Variants in GABBR1 observed in about 807,000 individuals in gnomAD.
The protein encoded by GABBR1 is gamma-aminobutyric acid type B receptor subunit 1.
In GABBR1, 35 loss-of-function variants were observed where a neutral mutation model predicts 117.7. The observed-to-expected ratio is 0.30, with a 90% confidence interval of 0.23 to 0.39. GABBR1 has a LOEUF of 0.39. Ranked by LOEUF, GABBR1 falls within the 10% of genes least tolerant of loss-of-function variation. GABBR1 has a pLI of 1.00. For synonymous variants in GABBR1, 442 were observed against 486.6 expected (o/e 0.91, Z 1.21); for missense variants, 709 against 1,241.8 (o/e 0.57, Z 6.45).
chr6:29,603,751 A>T, intron 22 of GABBR1, 35 bp from the exon 23 acceptor site: 1 of 1,431,160 alleles, frequency 7.0e-7, no homozygotes, highest in Non-Finnish European at 9.2e-7. Flanking sequence ...TAGTAGGAGA[A>T]GAGGAGGTGA....
rs1245598380 is a variant in GABBR1 at position 29,623,481 on chromosome 6, G to A, written c.793-6C>T. 2 of 1,612,688 alleles carry A rather than the reference G, an allele frequency of 1.2e-6. No individual in the cohort carries two copies. Among genetic ancestry groups the A allele is most frequent in the African/African-American group, 2.7e-5 (2 of 74,856 alleles). ...GAGCTGGAGCCATAGGAAAGCTGTG[G>A]GGCAGGGAGAGTGAGTGCAACAGGG... On this transcript the variant is annotated splice_polypyrimidine_tract_variant and splice_region_variant and intron_variant, in intron 7 of 22. Transcript: ENST00000377034. This position sits in a 1 kb window ranked among gnomAD's most constrained non-coding sequence, Gnocchi z 6.2.
rs757777358 is a variant in GABBR1, at chr6:29,631,614, G to A, written c.86-15C>T. ...GATCTGGCAACCTAAGGGGTGAGTC[G>A]GGGAGGCATACAGAGAGGAATGGTG... is the stretch of plus-strand genomic sequence containing the variant. On this transcript the variant is annotated splice_polypyrimidine_tract_variant and intron_variant, in intron 2 of 22. Coordinates refer to ENST00000377034, the MANE Select transcript of GABBR1 (RefSeq NM_001470.4). The surrounding 1 kb of genome is among the most constrained non-coding windows in gnomAD (Gnocchi z 5.9). The A allele has an allele frequency of 4.3e-6, 7 of 1,611,840 alleles. No individual in the cohort carries two copies. In the East Asian group the frequency reaches 6.7e-5, roughly 15 times the overall value.
intron 6 of GABBR1, among the ~76,000 whole-genome samples, chr6:29,626,013 T>G (rs1281935784): frequency 2.0e-5 from 3 of 152,152 alleles, no homozygotes; most frequent in African/African-American, 4.8e-5. Context: ...TCCACCAAGA[T>G]AGGATGTCTA....
intron 11 of GABBR1, among the ~76,000 whole-genome samples, chr6:29,616,513 A>G (rs929654987): frequency 3.3e-5 from 5 of 151,136 alleles, no homozygotes; most frequent in African/African-American, 1.2e-4. Context: ...GTGAAACCCC[A>G]TGTCCACTAA....
At chr6:29,608,502 G>C in intron 16 of GABBR1, 99 bp downstream of exon 16, 1 of 1,276,812 alleles carries the variant, frequency 7.8e-7, no homozygotes. Context: ...GTCAGGGAAA[G>C]CTGAGGAGGA....
In GABBR1 at chr6:29,608,652, C is replaced by T; in HGVS notation, c.1941G>A (p.Leu647=). 1 of 1,613,056 alleles carries T rather than the reference C, an allele frequency of 6.2e-7. No individual in the cohort carries two copies. The highest frequency in any genetic ancestry group is 8.5e-7 in the Non-Finnish European group (1 of 1,180,010). ...TCCCAATGTGGTAACCATCGAGCCC[C>T]AGGGGGAAGACAGCAGCTAAAGCCA... ...CSLALAAVFP[L]GLDGYHIGRN... Residue 647 remains leucine (L), a synonymous_variant, in exon 16 of 23, where the codon CTG becomes CTA. Coordinates refer to ENST00000377034, the MANE Select transcript of GABBR1 (RefSeq NM_001470.4).
Position 29,608,752 on chromosome 6 carries a change from G to T in GABBR1, c.1860-19C>A. 2.5e-6 allele frequency: 4 copies of T among 1,610,648 alleles called. No individual in the cohort carries two copies. Among genetic ancestry groups the T allele is most frequent in the Non-Finnish European group, 3.4e-6 (4 of 1,178,712 alleles). On this transcript the variant is annotated intron_variant, in intron 15 of 22. Transcript: ENST00000377034. ...GATATAACTAGGGCAGAGGTGGAGA[G>T]GGTGAGAGGGAGAGAGAATTACCCC...
Position 29,632,671 on chromosome 6 carries a change from G to A in GABBR1, c.-1+179C>T. On this transcript the variant is annotated intron_variant, in intron 1 of 22. Transcript: ENST00000377034. This position sits in a 1 kb window ranked among gnomAD's most constrained non-coding sequence, Gnocchi z 5.8. The stretch of plus-strand genomic sequence containing the variant: ...CCCCCGGCCCCCGCGGCTCGCAGAA[G>A]CCTGGCTTACCCACGCTCCCGGCAT... The A allele has an allele frequency of 6.9e-7, 1 of 1,444,028 alleles. No homozygotes were observed. Among genetic ancestry groups the A allele is most frequent in the Non-Finnish European group, 9.1e-7 (1 of 1,097,110 alleles). The allele number at this position is 1,444,028 out of a possible 1,614,324, so 89.5% of individuals were successfully genotyped here.
Position 29,606,223 on chromosome 6 carries a change from C to G in GABBR1, c.2311+168G>C. The G allele has an allele frequency of 1.6e-6, 1 of 634,904 alleles. No individual in the cohort carries two copies. The highest frequency in any genetic ancestry group is 1.9e-5 in the South Asian group (1 of 53,024). The allele number at this position is 634,904 out of a possible 1,614,324, so 39.3% of individuals were successfully genotyped here. ...CCTCATAGCAAAAGAGCAACTCTCC[C>G]CTATTCTCAGAAAAGATTAGTGCAA... On this transcript the variant is annotated intron_variant, in intron 19 of 22. Coordinates refer to ENST00000377034, the MANE Select transcript of GABBR1 (RefSeq NM_001470.4). The surrounding 1 kb of genome is among the most constrained non-coding windows in gnomAD (Gnocchi z 4.5).
At chr6:29,615,873 C>T (rs938726592) in intron 11 of GABBR1, among the ~76,000 whole-genome samples, 1 of 152,010 alleles carries the variant, frequency 6.6e-6, no homozygotes, top group African/African-American at 2.4e-5. Context: ...TCAAGACCAG[C>T]CTGGCCAACA....
At chr6:29,616,714 G>T (rs1205195800) in intron 11 of GABBR1, among the ~76,000 whole-genome samples, 1 of 151,614 alleles carries the variant, frequency 6.6e-6, no homozygotes, top group South Asian at 2.1e-4. Flanking sequence ...AGCCAGACTT[G>T]GTGGCATATG....
In GABBR1 at chr6:29,623,843, C is replaced by A; in HGVS notation, c.792+47G>T. On this transcript the variant is annotated intron_variant, in intron 7 of 22. Transcript: ENST00000377034. This position sits in a 1 kb window ranked among gnomAD's most constrained non-coding sequence, Gnocchi z 6.2. The stretch of plus-strand genomic sequence containing the variant: ...AATCGCCATCGTCCCTTCAGTAGAG[C>A]TCAAAAGGGAATGACCCCATCTTCT... The A allele has an allele frequency of 6.3e-7, 1 of 1,591,974 alleles. No homozygotes were observed.
chr6:29,627,469 C>A lies in GABBR1; in HGVS notation c.657+17G>T. 6.3e-7 allele frequency: 1 copy of A among 1,578,892 alleles called. No individual in the cohort carries two copies. Among genetic ancestry groups the A allele is most frequent in the East Asian group, 2.3e-5 (1 of 42,660 alleles). Reference sequence around the variant, plus strand: ...CGCAAGCCCCCACCTCCCACCCACCCCCATGTCCAGGGCTACCTTGCTGTC... The same window carrying A: ...CGCAAGCCCCCACCTCCCACCCACCACCATGTCCAGGGCTACCTTGCTGTC... On this transcript the variant is annotated intron_variant, in intron 6 of 22. Coordinates refer to ENST00000377034, the MANE Select transcript of GABBR1 (RefSeq NM_001470.4). This position sits in a 1 kb window ranked among gnomAD's most constrained non-coding sequence, Gnocchi z 4.4.
In GABBR1 at chr6:29,630,583, C is replaced by T; in HGVS notation, c.350G>A (p.Gly117Glu). The change falls in exon 4 of 23, where the codon GGG (glycine) becomes GAG (glutamate). Residue 117 changes from glycine (G) to glutamate (E), a missense_variant. By Grantham distance (98) the Gly-to-Glu change is moderately conservative. This residue lies in a region of GABBR1 where 101 missense variants were observed against 132.3 expected (regional missense o/e 0.76). Coordinates refer to ENST00000377034, the MANE Select transcript of GABBR1 (RefSeq NM_001470.4). This position sits in a 1 kb window ranked among gnomAD's most constrained non-coding sequence, Gnocchi z 4.9. ...GGCTCCGTCCAGAGCTGGGAGGTCC[C>T]CACCCGTCAGGAAAACCTTCCCATT... ...LENGKVFLTG[G>E]DLPALDGARV... 1 of 1,613,042 alleles carries T rather than the reference C, an allele frequency of 6.2e-7. No homozygotes were observed. The highest frequency in any genetic ancestry group is 8.5e-7 in the Non-Finnish European group (1 of 1,180,022).
rs1210859516 is a variant in GABBR1 at position 29,607,078 on chromosome 6, G to A, written c.2109+24C>T. 1.9e-6 allele frequency: 3 copies of A among 1,608,026 alleles called. No homozygotes were observed. The highest frequency in any genetic ancestry group is 2.6e-6 in the Non-Finnish European group (3 of 1,174,564). The stretch of plus-strand genomic sequence containing the variant: ...TGCCCCAGGAGCCAAGGATCTGGGG[G>A]CTGAGGATTGGGCAGCAGCTCACCT... On this transcript the variant is annotated intron_variant, in intron 17 of 22. Transcript: ENST00000377034. The surrounding 1 kb of genome is among the most constrained non-coding windows in gnomAD (Gnocchi z 5.0).
Position 29,609,860 on chromosome 6 carries a change from A to T in GABBR1, c.1709-481T>A, listed in dbSNP as rs537570373. 4.6e-5 allele frequency among the ~76,000 whole-genome samples: 7 copies of T among 152,232 alleles called. No individual in the cohort carries two copies. The East Asian group carries it at 9.6e-4, about 21-fold the overall frequency. On this transcript the variant is annotated intron_variant, in intron 14 of 22. Transcript: ENST00000377034. This position sits in a 1 kb window ranked among gnomAD's most constrained non-coding sequence, Gnocchi z 4.3. ...GTGGACACCTATTCTTAAGACAAACAAAAAAAGAAGGAAAGCTAATCTGAA... is the reference window on the plus strand; with the variant it reads ...GTGGACACCTATTCTTAAGACAAACTAAAAAAGAAGGAAAGCTAATCTGAA...
chr6:29,623,287 T>C lies in GABBR1; in HGVS notation c.963+18A>G. On this transcript the variant is annotated intron_variant, in intron 8 of 22. Coordinates refer to ENST00000377034, the MANE Select transcript of GABBR1 (RefSeq NM_001470.4). This position sits in a 1 kb window ranked among gnomAD's most constrained non-coding sequence, Gnocchi z 6.2. ...TTTGAGCTTATGTCCCTTTACCCCT[T>C]GCCCAACCCCTCCTCACCGAAGTGA... is the stretch of plus-strand genomic sequence containing the variant. 6.2e-7 allele frequency: 1 copy of C among 1,605,478 alleles called. No homozygotes were observed. Among genetic ancestry groups the C allele is most frequent in the South Asian group, 1.1e-5 (1 of 90,652 alleles).
Position 29,628,098 on chromosome 6 carries a change from G to C in GABBR1, c.497-452C>G, listed in dbSNP as rs1463408864. 129 of 442,652 alleles carry C rather than the reference G, an allele frequency of 2.9e-4. No individual in the cohort carries two copies. The South Asian group carries it at 6.9e-3, about 24-fold the overall frequency. 27.4% of individuals were successfully genotyped at this position (442,652 alleles called of 1,614,324 possible). On this transcript the variant is annotated intron_variant, in intron 5 of 22. Transcript: ENST00000377034. ...ACGTCACGGGCGGCGCGCGGCAGCG[G>C]GGGGTGGGGGGGCGGGCGGGAGCTG... is the stretch of plus-strand genomic sequence containing the variant.
chr6:29,608,223 A>T (rs1762157556), intron 16 of GABBR1, among the ~76,000 whole-genome samples: 1 of 152,090 alleles, frequency 6.6e-6, no homozygotes, highest in Admixed American at 6.5e-5. Context: ...CTATCCTTCC[A>T]AACCCAACAA....
Sources: gnomAD v4.1 joint callset for allele counts (sites outside exome capture counted in the v4.1 genomes callset) on GRCh38, gnomAD v4.1.1 for gene constraint, gnomAD v4.1.1 regional missense constraint, Gnocchi (gnomAD v3.1) non-coding constraint, MANE v1.5 for transcripts, NCBI Gene and HGNC (gene_info 2026-07-23, HGNC 2026-07-21) for gene names.